The following MESD variants were observed in gnomAD, a reference collection of about 807,000 sequenced individuals.
The protein encoded by MESD is mesoderm development LRP chaperone.
A neutral mutation model predicts 12.9 loss-of-function variants in MESD; 7 were observed. That is an observed-to-expected ratio of 0.54 (90% CI 0.31 to 1.02). The LOEUF is 1.02. Among genes scored for constraint, MESD ranks in the 50% least tolerant of loss-of-function variants. MESD has a pLI of 0.05. For missense variants in MESD, 342 were observed against 296.7 expected (o/e 1.15, Z -1.12); for synonymous variants, 126 against 115.6 (o/e 1.09, Z -0.58).
chr15:80,946,629 A>G (rs1263830440), downstream of MESD: 1 of 337,518 alleles, frequency 3.0e-6, no homozygotes, highest in Non-Finnish European at 5.8e-6. Flanking sequence ...TCGAAGTCCT[A>G]CTGTGTGCCG....
At chr15:80,981,327 C>G (rs1275231037) in intron 2 of MESD, among the ~76,000 whole-genome samples, 1 of 150,550 alleles carries the variant, frequency 6.6e-6, no homozygotes, top group African/African-American at 2.4e-5. Context: ...GTCCCAGCTA[C>G]TCGGGAGGCT....
chr15:80,966,180 A>C (rs1465156380), intron 3 of MESD, among the ~76,000 whole-genome samples: 1 of 152,168 alleles, frequency 6.6e-6, no homozygotes, highest in Non-Finnish European at 1.5e-5. Context: ...ACCAATCAAG[A>C]ACTTTAAAAG....
chr15:80,951,569 A>G (rs35155706), intron 4 of MESD: 1 of 152,798 alleles, frequency 6.5e-6, no homozygotes, highest in East Asian at 1.9e-4. Context: ...TGTAGGCATC[A>G]CCATGAACAA....
chr15:80,954,285 A>G (rs2141782643), intron 3 of MESD, among the ~76,000 whole-genome samples: 1 of 152,324 alleles, frequency 6.6e-6, no homozygotes, highest in African/African-American at 2.4e-5. Flanking sequence ...AGCATAGGCC[A>G]TAGGTTTTCC....
intron 1 of MESD, among the ~76,000 whole-genome samples, chr15:80,987,867 G>A (rs184238735): frequency 8.0e-5 from 12 of 150,814 alleles, no homozygotes; most frequent in African/African-American, 2.2e-4. Context: ...GCTCACGCCC[G>A]TAATCCCAAC....
In MESD at chr15:80,989,815, T is replaced by G; in HGVS notation, c.-24A>C. On this transcript the variant is annotated 5_prime_UTR_variant, in exon 1 of 3. Transcript: ENST00000261758. ...ATTTTCGCTGCGCCGCGCAGCGCCC[T>G]AGACGCGCTTACCCGACCTGCGCGG... 6.5e-7 allele frequency: 1 copy of G among 1,541,538 alleles called. No homozygotes were observed. Among genetic ancestry groups the G allele is most frequent in the South Asian group, 1.2e-5 (1 of 86,198 alleles).
Position 80,979,141 on chromosome 15 carries a change from G to T in MESD, c.*78C>A, listed in dbSNP as rs939536336. Reference sequence around the variant, plus strand: ...TGTCATCCGGTGTGCAGTTGCCTGAGACCACTCCCACCCCAGGAGCTGGGC... The same window carrying T: ...TGTCATCCGGTGTGCAGTTGCCTGATACCACTCCCACCCCAGGAGCTGGGC... On this transcript the variant is annotated 3_prime_UTR_variant, in exon 3 of 3. Coordinates refer to ENST00000261758, the MANE Select transcript of MESD (RefSeq NM_015154.3). The T allele has an allele frequency of 1.9e-6, 3 of 1,541,072 alleles. No homozygotes were observed. In the African/African-American group the frequency reaches 4.1e-5, roughly 21 times the overall value.
intron 3 of MESD, among the ~76,000 whole-genome samples, chr15:80,962,255 T>C (rs1019287045): frequency 6.6e-6 from 1 of 152,182 alleles, no homozygotes; most frequent in African/African-American, 2.4e-5. Context: ...GGCCATTATA[T>C]AATGGTAAAG....
At chr15:80,971,521 C>T (rs1902288298), downstream of MESD, among the ~76,000 whole-genome samples, 1 of 152,230 alleles carries the variant, frequency 6.6e-6, no homozygotes. Context: ...TCTCCACCCA[C>T]TGATCCCCTC....
At chr15:80,949,450 T>C (rs1368015365) in intron 4 of MESD, 1 of 190,392 alleles carries the variant, frequency 5.3e-6, no homozygotes, top group Non-Finnish European at 1.1e-5. Context: ...GAACTGGCTA[T>C]CCTTGGGGAA....
chr15:80,952,185 T>C (rs971929822), exon 4 of MESD: 2 of 456,092 alleles, frequency 4.4e-6, no homozygotes, highest in African/African-American at 4.0e-5. Context: ...CAAACACGTT[T>C]GACAAGAGCA....
chr15:80,961,554 C>T (rs545455751), intron 3 of MESD, among the ~76,000 whole-genome samples: 2 of 152,218 alleles, frequency 1.3e-5, no homozygotes, highest in South Asian at 4.1e-4. Flanking sequence ...CAATTTAGTA[C>T]TAAGTAAAAA....
intron 3 of MESD, among the ~76,000 whole-genome samples, chr15:80,955,771 C>A (rs965311266): frequency 3.3e-5 from 5 of 151,640 alleles, no homozygotes; most frequent in Non-Finnish European, 7.4e-5. Context: ...CAGGCCTGAG[C>A]CACCACGCCT....
intron 2 of MESD, 103 bp from the exon 3 acceptor site, chr15:80,979,580 G>C: frequency 7.4e-7 from 1 of 1,356,740 alleles, no homozygotes; most frequent in African/African-American, 1.5e-5. Flanking sequence ...AATTCTACAT[G>C]AATATGGAAT....
chr15:80,949,303 G>A (rs1242298686), intron 4 of MESD: 3 of 357,894 alleles, frequency 8.4e-6, no homozygotes, highest in South Asian at 6.8e-5. Flanking sequence ...GTAGTCTGGA[G>A]GGCTGGTCAT....
rs931726808 is a variant in MESD at position 80,978,623 on chromosome 15, T to C, written c.*596A>G. 1 of 152,274 alleles carries C rather than the reference T, an allele frequency of 6.6e-6. No individual in the cohort carries two copies. Among genetic ancestry groups the C allele is most frequent in the Non-Finnish European group, 1.5e-5 (1 of 68,154 alleles). The allele number at this position is 152,274 out of a possible 1,614,324, so 9.4% of individuals were successfully genotyped here. On this transcript the variant is annotated 3_prime_UTR_variant, in exon 3 of 3. Transcript: ENST00000261758. ...CACCAAGAGTTCTCTTACTGATGAG[T>C]AAGATTCAAGTCAAAGAAATTCAAA...
intron 3 of MESD, chr15:80,953,028 G>A (rs971300973): frequency 4.4e-6 from 2 of 455,974 alleles, no homozygotes; most frequent in African/African-American, 2.0e-5. Context: ...AAGTAGGACA[G>A]GTGTTGGCCT....
At position 80,982,095 on chromosome 15, in the gene MESD, G is replaced by A. The variant is rs1349975011; in HGVS notation, c.301C>T (p.Pro101Ser). 3.1e-6 allele frequency: 5 copies of A among 1,613,910 alleles called. No homozygotes were observed. The highest frequency in any genetic ancestry group is 3.4e-6 in the Non-Finnish European group (4 of 1,180,002). ...VDFSKIDPSK[P>S]ESILKMTKKG... ...TTCGTCATTTTCAATATGCTTTCAGGCTTGCTTGGGTCTATCTTTGAGAAG... is the reference window on the plus strand; with the variant it reads ...TTCGTCATTTTCAATATGCTTTCAGACTTGCTTGGGTCTATCTTTGAGAAG... The change falls in exon 2 of 3, where the codon CCT (proline) becomes TCT (serine). Residue 101 changes from proline (P) to serine (S), a missense_variant. Transcript: ENST00000261758.
At chr15:80,960,420 C>A (rs1252798977) in intron 3 of MESD, among the ~76,000 whole-genome samples, 1 of 150,486 alleles carries the variant, frequency 6.6e-6, no homozygotes, top group African/African-American at 2.4e-5. Context: ...CAGTTTGTAC[C>A]TTTCAAGATC....
Sources: gnomAD v4.1 joint callset for allele counts (sites outside exome capture counted in the v4.1 genomes callset) on GRCh38, gnomAD v4.1.1 for gene constraint, MANE v1.5 for transcripts, NCBI Gene and HGNC (gene_info 2026-07-23, HGNC 2026-07-21) for gene names.